The following SGCZ variants were observed in gnomAD, a reference collection of about 807,000 sequenced individuals.
SGCZ encodes zeta-sarcoglycan.
In SGCZ, 40 loss-of-function variants were observed where a neutral mutation model predicts 41.3. The ratio of observed to expected loss-of-function variants is 0.97; its 90% CI spans 0.75 to 1.26. SGCZ has a LOEUF of 1.26. Ranked by LOEUF, SGCZ falls within the 50% of genes most tolerant of loss-of-function variation. The probability of loss-of-function intolerance (pLI) is 0.00; values close to 1 mark genes in which losing one functional copy is unlikely to be tolerated. For missense variants in SGCZ, 552 were observed against 369.8 expected, an observed-to-expected ratio of 1.49 and a Z score of -4.04; for synonymous variants, 206 against 137.5, an observed-to-expected ratio of 1.50 and a Z score of -3.49.
At chr8:14,248,720 A>T (rs568536309) in intron 3 of SGCZ, among the ~76,000 whole-genome samples, 6 of 150,026 alleles carry the variant, frequency 4.0e-5, no homozygotes, top group Non-Finnish European at 8.9e-5. Flanking sequence ...ATTTTCATTT[A>T]TGATAATTAC....
chr8:14,877,910 A>G (rs749409533), intron 1 of SGCZ, among the ~76,000 whole-genome samples: 15 of 151,724 alleles, frequency 9.9e-5, no homozygotes, highest in Admixed American at 7.9e-4. Flanking sequence ...TTTTTTTCCA[A>G]TGTAAATGTG....
chr8:14,203,630 G>A (rs1262639057), intron 4 of SGCZ, among the ~76,000 whole-genome samples: 1 of 152,142 alleles, frequency 6.6e-6, no homozygotes, highest in East Asian at 1.9e-4. Flanking sequence ...TTTGAATGAA[G>A]ATGAATAGAG....
At chr8:14,457,959 C>G (rs751261693) in intron 2 of SGCZ, among the ~76,000 whole-genome samples, 1 of 152,108 alleles carries the variant, frequency 6.6e-6, no homozygotes, top group Non-Finnish European at 1.5e-5. Flanking sequence ...TTTCTACACT[C>G]TCTCGTCACC....
intron 1 of SGCZ, among the ~76,000 whole-genome samples, chr8:14,621,936 T>C (rs1806300731): frequency 6.6e-6 from 1 of 152,110 alleles, no homozygotes; most frequent in Non-Finnish European, 1.5e-5. Flanking sequence ...CCCCAAACCA[T>C]ACAGACTTAT....
At chr8:14,747,706 T>A (rs1799378130) in intron 1 of SGCZ, among the ~76,000 whole-genome samples, 1 of 27,236 alleles carries the variant, frequency 3.7e-5, no homozygotes, top group Admixed American at 6.1e-4. Flanking sequence ...TGTGTGTATT[T>A]GTGTGTGTGT....
At chr8:14,905,981 G>T (rs756238104) in intron 1 of SGCZ, among the ~76,000 whole-genome samples, 1 of 151,928 alleles carries the variant, frequency 6.6e-6, no homozygotes, top group Admixed American at 6.6e-5. Flanking sequence ...TTAGGAATGT[G>T]GTTGAAATAT....
chr8:15,237,534 A>T (rs1191489203), intron 1 of SGCZ, 51 bp downstream of exon 1: 2 of 1,565,294 alleles, frequency 1.3e-6, no homozygotes, highest in Non-Finnish European at 8.7e-7. Flanking sequence ...GAGAGGGGAG[A>T]GCAGGGAGCG....
intron 5 of SGCZ, among the ~76,000 whole-genome samples, chr8:14,152,058 T>G (rs1447156494): frequency 1.3e-5 from 2 of 152,002 alleles, no homozygotes; most frequent in African/African-American, 4.8e-5. Flanking sequence ...AAAAGCACAA[T>G]TCATTTAAAA....
chr8:15,233,329 CAAAAAAA>C (rs967747755), intron 1 of SGCZ, among the ~76,000 whole-genome samples: 956 of 65,722 alleles, frequency 0.015, 8 homozygotes, highest in African/African-American at 0.037. Flanking sequence ...TTAAACAAAC[CAAAAAAA>C]AAAAAAAAAG....
At chr8:14,332,589 T>G (rs992694778) in intron 2 of SGCZ, 1 of 152,110 alleles carries the variant, frequency 6.6e-6, no homozygotes, top group African/African-American at 2.4e-5. Context: ...TCTCAATTGA[T>G]TGTTCACAGT....
intron 3 of SGCZ, among the ~76,000 whole-genome samples, chr8:14,277,590 G>T (rs921892605): frequency 5.3e-5 from 8 of 152,136 alleles, no homozygotes; most frequent in Admixed American, 4.6e-4. Flanking sequence ...TTATTAAATT[G>T]CTAGTAAGAT....
chr8:14,320,398 G>A (rs1293409369), intron 3 of SGCZ, among the ~76,000 whole-genome samples: 2 of 151,464 alleles, frequency 1.3e-5, no homozygotes, highest in Admixed American at 6.6e-5. Context: ...GACATTTGCT[G>A]TGCTCGCCTG....
rs544276627 is a variant in SGCZ at position 14,626,359 on chromosome 8, T to C, written c.40-71433A>G. Among the ~76,000 whole-genome samples the C allele has an allele frequency of 3.3e-5, 5 of 152,176 alleles. No individual in the cohort carries two copies. The South Asian group carries it at 1.0e-3, about 32-fold the overall frequency. On this transcript the variant is annotated intron_variant, in intron 1 of 7. Coordinates refer to ENST00000382080, the MANE Select transcript of SGCZ (RefSeq NM_139167.4). ...TGTGTTGTTCCCCTCCCTGTATCCATGTGTTCTTACTGTTTAGTTCCCACT... is the reference window on the plus strand; with the variant it reads ...TGTGTTGTTCCCCTCCCTGTATCCACGTGTTCTTACTGTTTAGTTCCCACT...
intron 5 of SGCZ, among the ~76,000 whole-genome samples, chr8:14,121,967 T>C (rs1802709949): frequency 6.6e-6 from 1 of 152,166 alleles, no homozygotes; most frequent in Admixed American, 6.5e-5. Flanking sequence ...AGCATTATGA[T>C]GTCTGAGGTC....
intron 2 of SGCZ, among the ~76,000 whole-genome samples, chr8:14,546,817 T>G (rs1443760130): frequency 1.3e-5 from 2 of 152,172 alleles, no homozygotes; most frequent in African/African-American, 4.8e-5. Context: ...AATTTAAATT[T>G]AGTAGCATTA....
At chr8:14,107,313 T>C (rs938793299) in intron 6 of SGCZ, among the ~76,000 whole-genome samples, 7 of 152,182 alleles carry the variant, frequency 4.6e-5, no homozygotes, top group African/African-American at 1.7e-4. Flanking sequence ...TAATCAACAG[T>C]GGTAATAATT....
chr8:14,814,058 T>A (rs1801820066), intron 1 of SGCZ, among the ~76,000 whole-genome samples: 1 of 152,306 alleles, frequency 6.6e-6, no homozygotes, highest in East Asian at 1.9e-4. Flanking sequence ...CAGCACTTAA[T>A]AGACATGTCT....
chr8:15,225,148 G>A (rs1280868193), intron 1 of SGCZ, among the ~76,000 whole-genome samples: 2 of 152,080 alleles, frequency 1.3e-5, no homozygotes, highest in African/African-American at 2.4e-5. Flanking sequence ...TCTTTTCAAG[G>A]AAACTCAGAA....
At chr8:14,533,313 C>T (rs1336700598) in intron 2 of SGCZ, among the ~76,000 whole-genome samples, 1 of 150,818 alleles carries the variant, frequency 6.6e-6, no homozygotes, top group East Asian at 2.0e-4. Context: ...GAATTTTTTA[C>T]ATTTTTGTAT....
Sources: allele counts gnomAD v4.1 joint callset (sites outside exome capture counted in the v4.1 genomes callset), GRCh38; gene constraint gnomAD v4.1.1; transcripts MANE v1.5; gene names NCBI Gene and HGNC (gene_info 2026-07-23, HGNC 2026-07-21).